ZNF814: variants seen among roughly 807,000 people sequenced by gnomAD.
The protein encoded by ZNF814 is zinc finger protein 814.
ZNF814 carries 5 observed loss-of-function variants against 7.5 expected under a neutral mutation model. The observed-to-expected ratio is 0.67, with a 90% confidence interval of 0.35 to 1.40. ZNF814 has a LOEUF of 1.40. Among genes scored for constraint, ZNF814 ranks in the 40% most tolerant of loss-of-function variants. The pLI, the probability that ZNF814 is intolerant of heterozygous loss-of-function variation, is 0.04. For synonymous variants in ZNF814, 315 were observed against 340.7 expected (o/e 0.92, Z 0.83); for missense variants, 962 against 1,018.0 (o/e 0.94, Z 0.75).
rs751600570 is a variant in ZNF814 at position 57,888,978 on chromosome 19, A to C, written c.-176T>G. 2 of 660,006 alleles carry C rather than the reference A, an allele frequency of 3.0e-6. No individual in the cohort carries two copies. Among genetic ancestry groups the C allele is most frequent in the South Asian group, 3.8e-5 (2 of 53,124 alleles). 40.9% of individuals were successfully genotyped at this position (660,006 alleles called of 1,614,324 possible). A position where few individuals can be genotyped will look rare whatever the true frequency, so the allele number is the denominator to read the frequency against. On this transcript the variant is annotated 5_prime_UTR_variant, in exon 1 of 3. Coordinates refer to ENST00000435989, the MANE Select transcript of ZNF814 (RefSeq NM_001144989.2). ...TCCCCGACTTCTGGGTTCAGTCACC[A>C]CAGTGCGGACCTAGCGCTCAGGAGC...
At chr19:57,879,478 G>A (rs1015741372) in intron 1 of ZNF814, among the ~76,000 whole-genome samples, 96 of 148,868 alleles carry the variant, frequency 6.4e-4, no homozygotes, top group African/African-American at 2.3e-3. Flanking sequence ...TGTCCGCCAG[G>A]GACCCAGGCA....
chr19:57,897,313 AT>A, the ZNF814 span, among the ~76,000 whole-genome samples: 1 of 152,196 alleles, frequency 6.6e-6, no homozygotes, highest in African/African-American at 2.4e-5. Context: ...AGCTCAAGCT[AT>A]GGCTGGATTA....
the ZNF814 span, among the ~76,000 whole-genome samples, chr19:57,904,429 G>T: frequency 6.6e-6 from 1 of 151,996 alleles, no homozygotes; most frequent in African/African-American, 2.4e-5. Flanking sequence ...AGACTTCATA[G>T]CCCCAGTGAC....
chr19:57,901,383 C>A, the ZNF814 span, among the ~76,000 whole-genome samples: 2 of 152,130 alleles, frequency 1.3e-5, no homozygotes, highest in South Asian at 4.1e-4. Context: ...CTTAACAGGA[C>A]AAAAGGAAAA....
upstream of ZNF814, among the ~76,000 whole-genome samples, chr19:57,892,400 C>T (rs2071738910): frequency 6.6e-6 from 1 of 152,176 alleles, no homozygotes; most frequent in Non-Finnish European, 1.5e-5. Flanking sequence ...TTAAAGGCTC[C>T]TCTCAATAAA....
chr19:57,883,124 C>T (rs965737896), intron 1 of ZNF814, among the ~76,000 whole-genome samples: 1 of 151,778 alleles, frequency 6.6e-6, no homozygotes, highest in Non-Finnish European at 1.5e-5. Flanking sequence ...TTTGGGAGGC[C>T]GAGGCGGGCA....
In ZNF814 at chr19:57,873,694, G is replaced by A. The variant is rs2071577313; in HGVS notation, c.1696C>T (p.His566Tyr). Reference protein sequence around the residue: ...SFSHKGTLILHQRVHPRERSY... With the variant: ...SFSHKGTLILYQRVHPRERSY... ...CTTTCTCTAGGGTGAACTCGCTGAT[G>A]TAGAATGAGGGTGCCTTTATGACTA... The change falls in exon 3 of 3, where the codon CAT becomes TAT. Residue 566 changes from histidine to tyrosine, a missense_variant. Physicochemically the swap from His to Tyr is moderately conservative, Grantham distance 83 (BLOSUM62 2). Transcript: ENST00000435989. 1 of 1,613,776 alleles carries A rather than the reference G, an allele frequency of 6.2e-7. No homozygotes were observed. Among genetic ancestry groups the A allele is most frequent in the African/African-American group, 1.3e-5 (1 of 75,010 alleles).
Position 57,888,858 on chromosome 19 carries a change from T to A in ZNF814, c.-56A>T, listed in dbSNP as rs567048240. The A allele has an allele frequency of 4.0e-5, 61 of 1,541,006 alleles. No individual in the cohort carries two copies. Among genetic ancestry groups the A allele is most frequent in the Non-Finnish European group, 4.5e-5 (51 of 1,137,938 alleles). On this transcript the variant is annotated 5_prime_UTR_variant, in exon 1 of 3. Transcript: ENST00000435989. ...GGATAGGGCGACCAGCCAGGAGATA[T>A]GGGCACGACGGTCCGTATCCTGGCC...
At chr19:57,896,719 C>T in the ZNF814 span, among the ~76,000 whole-genome samples, 1 of 152,146 alleles carries the variant, frequency 6.6e-6, no homozygotes, top group South Asian at 2.1e-4. The surrounding 1 kb of genome is among the most constrained non-coding windows in gnomAD (Gnocchi z 4.2). Flanking sequence ...TCAATATGGG[C>T]CAAATTCTCC....
At chr19:57,893,832 A>C (rs2071744617), upstream of ZNF814, among the ~76,000 whole-genome samples, 1 of 151,570 alleles carries the variant, frequency 6.6e-6, no homozygotes, top group African/African-American at 2.4e-5. Context: ...AGGCAGGAGA[A>C]TCACTTAAAC....
the ZNF814 span, among the ~76,000 whole-genome samples, chr19:57,901,061 C>T: frequency 5.3e-5 from 8 of 149,694 alleles, no homozygotes; most frequent in African/African-American, 1.7e-4. Flanking sequence ...TGGTCTTGAT[C>T]TCCTGACCTC....
chr19:57,884,821 G>A (rs546151253), intron 1 of ZNF814, among the ~76,000 whole-genome samples: 8 of 152,304 alleles, frequency 5.3e-5, no homozygotes, highest in African/African-American at 1.9e-4. Flanking sequence ...ATGGAAATTA[G>A]TACAACCACT....
the ZNF814 span, among the ~76,000 whole-genome samples, chr19:57,902,306 T>A: frequency 1.3e-5 from 2 of 152,194 alleles, no homozygotes; most frequent in Non-Finnish European, 2.9e-5. Flanking sequence ...CTAAGGGGAT[T>A]TTTAAGAAAA....
chr19:57,882,781 G>C (rs2071658858), intron 1 of ZNF814, among the ~76,000 whole-genome samples: 5 of 151,038 alleles, frequency 3.3e-5, no homozygotes, highest in Admixed American at 3.3e-4. Context: ...CTCTTCCTAA[G>C]AAGGACAGGT....
upstream of ZNF814, among the ~76,000 whole-genome samples, chr19:57,890,676 A>G (rs973962859): frequency 4.0e-4 from 61 of 152,130 alleles, no homozygotes; most frequent in African/African-American, 1.4e-3. Context: ...TCCAGCACCA[A>G]TCTTAGCTTT....
the ZNF814 span, among the ~76,000 whole-genome samples, chr19:57,894,821 G>A: frequency 0.067 from 10,056 of 149,812 alleles, 1,083 homozygotes; most frequent in African/African-American, 0.23. Context: ...GCAACAGAGC[G>A]AGACTCCGTC....
Position 57,876,902 on chromosome 19 carries a change from T to G in ZNF814, c.163+14A>C. On this transcript the variant is annotated intron_variant, in intron 2 of 2. Transcript: ENST00000435989. ...AGACTAGCTCAGGTCACAGGGTGAGTGTGAGCAACTTACCCAGGGAGGATA... is the reference window on the plus strand; with the variant it reads ...AGACTAGCTCAGGTCACAGGGTGAGGGTGAGCAACTTACCCAGGGAGGATA... The G allele has an allele frequency of 6.2e-7, 1 of 1,613,840 alleles. No individual in the cohort carries two copies. The highest frequency in any genetic ancestry group is 8.5e-7 in the Non-Finnish European group (1 of 1,179,864).
the ZNF814 span, among the ~76,000 whole-genome samples, chr19:57,903,668 G>A: frequency 5.3e-5 from 8 of 152,186 alleles, no homozygotes; most frequent in African/African-American, 1.9e-4. Context: ...TGGGTTGTCT[G>A]CAATCAATTC....
chr19:57,895,227 G>A, the ZNF814 span, among the ~76,000 whole-genome samples: 1 of 151,892 alleles, frequency 6.6e-6, no homozygotes, highest in Non-Finnish European at 1.5e-5. Context: ...CCTAAATTGG[G>A]CCTCAAACCC....
Sources: allele counts gnomAD v4.1 joint callset (sites outside exome capture counted in the v4.1 genomes callset), GRCh38; gene constraint gnomAD v4.1.1; non-coding constraint Gnocchi (gnomAD v3.1); transcripts MANE v1.5; gene names NCBI Gene and HGNC (gene_info 2026-07-23, HGNC 2026-07-21).